The following CDH13 variants were observed in gnomAD, a reference collection of about 807,000 sequenced individuals.
CDH13 encodes the protein cadherin 13, also known as cadherin-13.
Under a neutral mutation model 63.8 loss-of-function variants are expected in CDH13, and 24 were observed. The observed-to-expected ratio is 0.38, with a 90% CI of 0.27 to 0.53. The LOEUF is 0.53. Among genes scored for constraint, CDH13 ranks in the 20% least tolerant of loss-of-function variants. CDH13 has a pLI of 0.85. For missense variants in CDH13, 1,049 were observed against 903.1 expected (o/e 1.16, Z -2.07); for synonymous variants, 503 against 355.3 (o/e 1.42, Z -4.67).
intron 7 of CDH13, among the ~76,000 whole-genome samples, chr16:83,494,159 A>C (rs1018844772): frequency 5.3e-5 from 8 of 152,164 alleles, no homozygotes; most frequent in African/African-American, 1.9e-4. Flanking sequence ...TTGGTATTTT[A>C]TATGGTAAAG....
intron 1 of CDH13, chr16:82,705,297 A>T: frequency 2.7e-6 from 1 of 371,804 alleles, no homozygotes; most frequent in Non-Finnish European, 5.2e-6. Flanking sequence ...ATATATTCTT[A>T]CTTAAGATCT....
intron 8 of CDH13, among the ~76,000 whole-genome samples, chr16:83,631,408 T>C (rs1910770600): frequency 6.6e-6 from 1 of 152,194 alleles, no homozygotes; most frequent in Non-Finnish European, 1.5e-5. Flanking sequence ...AAACATCATG[T>C]TAACTTCATT....
At chr16:82,856,809 G>A (rs1290094846) in intron 1 of CDH13, among the ~76,000 whole-genome samples, 1 of 151,648 alleles carries the variant, frequency 6.6e-6, no homozygotes, top group Non-Finnish European at 1.5e-5. Flanking sequence ...TAATGAATGT[G>A]AGTTATCAAG....
intron 10 of CDH13, among the ~76,000 whole-genome samples, chr16:83,725,294 C>A (rs7186539): frequency 6.6e-6 from 1 of 152,134 alleles, no homozygotes; most frequent in Non-Finnish European, 1.5e-5. Flanking sequence ...ACAGGCAGGA[C>A]TGCAACGGGT....
chr16:83,753,557 A>G (rs1913267461), intron 11 of CDH13, among the ~76,000 whole-genome samples: 1 of 152,186 alleles, frequency 6.6e-6, no homozygotes, highest in Non-Finnish European at 1.5e-5. Context: ...AAAAAAAAGT[A>G]AATAGTGCTA....
intron 1 of CDH13, among the ~76,000 whole-genome samples, chr16:82,725,085 G>C (rs1211084313): frequency 6.6e-6 from 1 of 152,134 alleles, no homozygotes; most frequent in African/African-American, 2.4e-5. Context: ...TGGTGATGGT[G>C]ATGATGGTGT....
chr16:83,379,917 G>GTA (rs1308698336), intron 6 of CDH13, among the ~76,000 whole-genome samples: 2 of 72,258 alleles, frequency 2.8e-5, no homozygotes, highest in African/African-American at 1.1e-4. Context: ...ATATGTGTGT[G>GTA]TGTATATATA....
intron 3 of CDH13, among the ~76,000 whole-genome samples, chr16:83,094,987 T>G (rs1274679340): frequency 1.3e-5 from 2 of 152,230 alleles, no homozygotes; most frequent in Non-Finnish European, 2.9e-5. Context: ...ATTGTAGGAT[T>G]AATCATCAGA....
intron 10 of CDH13, among the ~76,000 whole-genome samples, chr16:83,731,853 C>T (rs938941083): frequency 4.4e-4 from 67 of 152,246 alleles, no homozygotes; most frequent in African/African-American, 1.5e-3. Context: ...GCAAAATTCT[C>T]GTGTATAAAC....
At chr16:83,179,028 C>T (rs967037908) in intron 4 of CDH13, among the ~76,000 whole-genome samples, 1 of 152,152 alleles carries the variant, frequency 6.6e-6, no homozygotes, top group African/African-American at 2.4e-5. Flanking sequence ...GTTCATAGGA[C>T]ATGTATGCAT....
chr16:83,679,680 G>C (rs879753679), intron 10 of CDH13, among the ~76,000 whole-genome samples: 4 of 152,204 alleles, frequency 2.6e-5, no homozygotes, highest in Non-Finnish European at 4.4e-5. Context: ...ACATCAAAGA[G>C]AGAGTCTTTC....
intron 5 of CDH13, among the ~76,000 whole-genome samples, chr16:83,254,210 C>G (rs1905933941): frequency 6.6e-6 from 1 of 152,186 alleles, no homozygotes. Flanking sequence ...AGCCTCCCCA[C>G]CTGGGGATTG....
intron 10 of CDH13, among the ~76,000 whole-genome samples, chr16:83,726,528 G>A (rs1024245316): frequency 1.2e-4 from 19 of 152,160 alleles, no homozygotes; most frequent in African/African-American, 4.1e-4. Context: ...GGCAAAAAAT[G>A]GAAGAAAAAT....
intron 6 of CDH13, among the ~76,000 whole-genome samples, chr16:83,444,942 G>A (rs2072628548): frequency 3.6e-5 from 2 of 56,122 alleles, no homozygotes; most frequent in African/African-American, 1.2e-4. Context: ...CCACGTTGCA[G>A]GTAGGAAATT....
chr16:83,106,425 C>G (rs771615575), intron 3 of CDH13, among the ~76,000 whole-genome samples: 2 of 152,200 alleles, frequency 1.3e-5, no homozygotes, highest in Non-Finnish European at 2.9e-5. Flanking sequence ...CCTGTAATCC[C>G]AGCTACCTGG....
intron 4 of CDH13, among the ~76,000 whole-genome samples, chr16:83,131,116 A>G (rs2036024533): frequency 6.6e-6 from 1 of 151,564 alleles, no homozygotes; most frequent in African/African-American, 2.4e-5. Context: ...ATCATATTAC[A>G]ACCCTGAGAT....
At chr16:83,774,062 A>T (rs953773384) in intron 11 of CDH13, among the ~76,000 whole-genome samples, 4 of 152,098 alleles carry the variant, frequency 2.6e-5, no homozygotes, top group Non-Finnish European at 4.4e-5. Flanking sequence ...CCCTGCTGTT[A>T]TCTCTGAAAA....
intron 3 of CDH13, among the ~76,000 whole-genome samples, chr16:83,106,175 C>G (rs1202347570): frequency 6.6e-6 from 1 of 152,178 alleles, no homozygotes; most frequent in Non-Finnish European, 1.5e-5. Flanking sequence ...CAAGCAAAAG[C>G]AAATGAAACT....
intron 7 of CDH13, among the ~76,000 whole-genome samples, chr16:83,506,966 C>T (rs2074410981): frequency 6.6e-6 from 1 of 152,226 alleles, no homozygotes. Context: ...ATCTCCAAGC[C>T]ACAAACACTG....
Sources: allele counts gnomAD v4.1 joint callset (sites outside exome capture counted in the v4.1 genomes callset), GRCh38; gene constraint gnomAD v4.1.1; transcripts MANE v1.5; gene names NCBI Gene and HGNC (gene_info 2026-07-23, HGNC 2026-07-21).